TMEM26: variants seen among roughly 807,000 people sequenced by gnomAD.
The protein encoded by TMEM26 is transmembrane protein 26.
Under a neutral mutation model 28.8 loss-of-function variants are expected in TMEM26, and 38 were observed. The observed-to-expected ratio is 1.32, with a 90% CI of 1.02 to 1.73. The LOEUF (loss-of-function observed/expected upper bound fraction) is 1.73, where lower values mean the gene tolerates loss of function less well. Among genes scored for constraint, TMEM26 ranks in the 40% most tolerant of loss-of-function variants. The pLI is 0.00. For missense variants in TMEM26, 518 were observed against 447.1 expected (o/e 1.16, Z -1.43); for synonymous variants, 227 against 182.9 (o/e 1.24, Z -1.95).
intron 4 of TMEM26, among the ~76,000 whole-genome samples, chr10:61,418,447 G>A (rs191067394): frequency 1.1e-4 from 17 of 151,988 alleles, no homozygotes; most frequent in East Asian, 9.7e-4. Flanking sequence ...ATTTCAAAGG[G>A]GCAGAAACAG....
intron 1 of TMEM26, among the ~76,000 whole-genome samples, chr10:61,448,706 T>C (rs1840226945): frequency 6.6e-6 from 1 of 151,990 alleles, no homozygotes; most frequent in Admixed American, 6.6e-5. Flanking sequence ...AATACTTGTC[T>C]GATTGAACTT....
chr10:61,416,036 G>A (rs16916122), intron 4 of TMEM26: 80,315 of 441,296 alleles, frequency 0.18, 8,847 homozygotes, highest in African/African-American at 0.36. Flanking sequence ...ATAGAGGAAA[G>A]TAGTTTCTAA....
chr10:61,425,371 C>T (rs2135303540), intron 4 of TMEM26, among the ~76,000 whole-genome samples: 1 of 152,222 alleles, frequency 6.6e-6, no homozygotes, highest in African/African-American at 2.4e-5. Flanking sequence ...AAAGAAATTA[C>T]ATTTCTCATT....
At chr10:61,447,112 G>A (rs1840198151) in intron 1 of TMEM26, among the ~76,000 whole-genome samples, 2 of 152,160 alleles carry the variant, frequency 1.3e-5, no homozygotes, top group South Asian at 2.1e-4. Context: ...TTATCTTCTG[G>A]GAGAATTTCC....
At chr10:61,410,975 G>T (rs1465638179) in intron 5 of TMEM26, among the ~76,000 whole-genome samples, 1 of 152,174 alleles carries the variant, frequency 6.6e-6, no homozygotes, top group Non-Finnish European at 1.5e-5. Flanking sequence ...AGATCATCTA[G>T]TTCTCACCCT....
At chr10:61,422,513 C>T (rs150886724) in intron 4 of TMEM26, among the ~76,000 whole-genome samples, 31 of 152,126 alleles carry the variant, frequency 2.0e-4, no homozygotes, top group African/African-American at 6.7e-4. Context: ...TCTAAAAGAT[C>T]CCTATATATT....
intron 4 of TMEM26, among the ~76,000 whole-genome samples, chr10:61,424,145 T>C (rs1279837038): frequency 6.6e-6 from 1 of 152,150 alleles, no homozygotes; most frequent in Non-Finnish European, 1.5e-5. Context: ...CAAAACAGTC[T>C]GTTCACAAGC....
rs765168085 is a variant in TMEM26, at chr10:61,453,169, A to G, written c.-88T>C. On this transcript the variant is annotated 5_prime_UTR_variant, in exon 1 of 6. Coordinates refer to ENST00000399298, the MANE Select transcript of TMEM26 (RefSeq NM_178505.8). The stretch of plus-strand genomic sequence containing the variant: ...CCGGAGCCCACCGGTGAGCAGGAAT[A>G]TGACAAGCACTGAGACCTGCTGCTG... 15 of 1,405,612 alleles carry G rather than the reference A, an allele frequency of 1.1e-5. No homozygotes were observed. In the South Asian group the frequency reaches 1.4e-4, roughly 13 times the overall value. 87.1% of individuals were successfully genotyped at this position (1,405,612 alleles called of 1,614,324 possible). A position where few individuals can be genotyped will look rare whatever the true frequency, so the allele number is the denominator to read the frequency against.
At chr10:61,445,043 A>T in intron 1 of TMEM26, among the ~76,000 whole-genome samples, 1 of 152,232 alleles carries the variant, frequency 6.6e-6, no homozygotes, top group East Asian at 1.9e-4. Context: ...GTTGGTGTGC[A>T]TTAGCGTACT....
intron 3 of TMEM26, among the ~76,000 whole-genome samples, chr10:61,429,349 G>A (rs1479239032): frequency 2.6e-5 from 4 of 151,968 alleles, no homozygotes; most frequent in Admixed American, 2.0e-4. Context: ...CTTAAGATGG[G>A]GGTGCCTATA....
chr10:61,422,577 G>T (rs562140490), intron 4 of TMEM26, among the ~76,000 whole-genome samples: 1 of 152,172 alleles, frequency 6.6e-6, no homozygotes, highest in South Asian at 2.1e-4. Flanking sequence ...AATGACAGAA[G>T]AAATTGGAAA....
intron 3 of TMEM26, among the ~76,000 whole-genome samples, chr10:61,429,607 T>C (rs897541173): frequency 1.3e-5 from 2 of 152,108 alleles, no homozygotes; most frequent in Admixed American, 1.3e-4. Flanking sequence ...TCTCTTTGTT[T>C]TTTTGCTTTA....
chr10:61,429,864 A>G (rs1177643602), intron 3 of TMEM26, among the ~76,000 whole-genome samples: 4 of 152,050 alleles, frequency 2.6e-5, no homozygotes, highest in Non-Finnish European at 5.9e-5. Context: ...AAAGTATACT[A>G]TTGCCCCTAC....
chr10:61,419,434 C>A (rs1028044612), intron 4 of TMEM26, among the ~76,000 whole-genome samples: 1 of 152,062 alleles, frequency 6.6e-6, no homozygotes, highest in African/African-American at 2.4e-5. Context: ...AAAGAAAAGT[C>A]TCATGGCAAT....
intron 2 of TMEM26, among the ~76,000 whole-genome samples, chr10:61,435,776 TA>T (rs1306515085): frequency 6.6e-6 from 1 of 152,208 alleles, no homozygotes; most frequent in Non-Finnish European, 1.5e-5. Flanking sequence ...AGTGTCACTT[TA>T]CAGGATGCCA....
At chr10:61,420,971 G>T (rs557551484) in intron 4 of TMEM26, among the ~76,000 whole-genome samples, 2 of 151,692 alleles carry the variant, frequency 1.3e-5, no homozygotes, top group Admixed American at 6.6e-5. Context: ...TATAACACTG[G>T]ATTATTTTAT....
At chr10:61,436,125 G>T (rs762997336) in intron 2 of TMEM26, 45 bp downstream of exon 2, 2 of 1,232,520 alleles carry the variant, frequency 1.6e-6, no homozygotes, top group Admixed American at 1.9e-5. Flanking sequence ...TGTGAAAGTA[G>T]CTTATTGCTG....
Position 61,408,858 on chromosome 10 carries a change from T to C in TMEM26, c.*1464A>G, listed in dbSNP as rs553053595. ...ATGAGAAAATATGCATGACTCTGTA[T>C]AAAAACACAATTTGTCTATAAAAGT... On this transcript the variant is annotated 3_prime_UTR_variant, in exon 6 of 6. Transcript: ENST00000399298. The C allele has an allele frequency of 6.6e-6, 1 of 152,312 alleles. No homozygotes were observed. The highest frequency in any genetic ancestry group is 2.1e-4 in the South Asian group (1 of 4,824). The allele number at this position is 152,312 out of a possible 1,614,324, so 9.4% of individuals were successfully genotyped here.
chr10:61,448,935 T>G (rs1345095486), intron 1 of TMEM26, among the ~76,000 whole-genome samples: 2 of 152,216 alleles, frequency 1.3e-5, no homozygotes, highest in Admixed American at 1.3e-4. Flanking sequence ...GTCACAGTCT[T>G]AGTAATTTTT....
Sources: allele counts gnomAD v4.1 joint callset (sites outside exome capture counted in the v4.1 genomes callset), GRCh38; gene constraint gnomAD v4.1.1; transcripts MANE v1.5; gene names NCBI Gene and HGNC (gene_info 2026-07-23, HGNC 2026-07-21).